CAMSAP1: variants seen among roughly 807,000 people sequenced by gnomAD.
CAMSAP1 encodes calmodulin regulated spectrin associated protein 1.
CAMSAP1 carries 58 observed loss-of-function variants against 143.5 expected under a neutral mutation model. The observed-to-expected ratio is 0.40, with a 90% CI of 0.33 to 0.50. The LOEUF (loss-of-function observed/expected upper bound fraction) is 0.50, where lower values mean the gene tolerates loss of function less well. Among genes scored for constraint, CAMSAP1 ranks in the 20% least tolerant of loss-of-function variants. CAMSAP1 has a pLI of 0.45. For synonymous variants in CAMSAP1, 945 were observed against 859.3 expected (o/e 1.10, Z -1.74); for missense variants, 1,969 against 2,115.7 (o/e 0.93, Z 1.36).
In CAMSAP1 at chr9:135,820,893, C is replaced by G. The variant is rs201570428; in HGVS notation, c.3768G>C (p.Ser1256=). 3 of 1,613,578 alleles carry G rather than the reference C, an allele frequency of 1.9e-6. No homozygotes were observed. Among genetic ancestry groups the G allele is most frequent in the Non-Finnish European group, 2.5e-6 (3 of 1,179,894 alleles). ...EDGELVSLDG[S]ADLVSEGDQK... ...GGTCGCCTTCGCTGACAAGGTCCGCCGAGCCATCGAGGCTTACCAGCTCCC... is the reference window on the plus strand; with the variant it reads ...GGTCGCCTTCGCTGACAAGGTCCGCGGAGCCATCGAGGCTTACCAGCTCCC... The change falls in exon 11 of 17, where the codon TCG becomes TCC. Residue 1256 remains serine, a synonymous_variant. Coordinates refer to ENST00000389532, the MANE Select transcript of CAMSAP1 (RefSeq NM_015447.4). The surrounding 1 kb of genome is among the most constrained non-coding windows in gnomAD (Gnocchi z 4.4).
chr9:135,874,307 CA>C (rs1837660825), intron 3 of CAMSAP1, among the ~76,000 whole-genome samples: 1 of 151,966 alleles, frequency 6.6e-6, no homozygotes, highest in Admixed American at 6.6e-5. Flanking sequence ...ATCCCCTCTA[CA>C]AAAATTTTTT....
intron 1 of CAMSAP1, among the ~76,000 whole-genome samples, chr9:135,895,146 G>A (rs554494746): frequency 2.0e-4 from 30 of 152,222 alleles, no homozygotes; most frequent in East Asian, 9.7e-4. Context: ...TTCTATCACC[G>A]GAGCCCAGAT....
At chr9:135,833,396 G>C (rs1835918182) in intron 7 of CAMSAP1, among the ~76,000 whole-genome samples, 1 of 152,094 alleles carries the variant, frequency 6.6e-6, no homozygotes, top group South Asian at 2.1e-4. Context: ...TCTTGAAAAA[G>C]AACAACAAAG....
chr9:135,819,679 A>T (rs576547740), intron 11 of CAMSAP1, among the ~76,000 whole-genome samples: 4 of 150,520 alleles, frequency 2.7e-5, no homozygotes, highest in Admixed American at 1.3e-4. Context: ...ACTTAAAAAA[A>T]AAAAAAAAAA....
At position 135,882,786 on chromosome 9, in the gene CAMSAP1, C is replaced by A; in HGVS notation, c.423+30G>T. On this transcript the variant is annotated intron_variant, in intron 2 of 16. Transcript: ENST00000389532. This position sits in a 1 kb window ranked among gnomAD's most constrained non-coding sequence, Gnocchi z 4.9. ...AGAGCCCACGGCTCCAGAGGATGGC[C>A]CCTGGGGGCGGCCACCGCAGACCAC... The A allele has an allele frequency of 6.5e-7, 1 of 1,538,344 alleles. No individual in the cohort carries two copies. The highest frequency in any genetic ancestry group is 8.8e-7 in the Non-Finnish European group (1 of 1,141,410).
chr9:135,878,056 T>C (rs1331340780), intron 3 of CAMSAP1, among the ~76,000 whole-genome samples: 1 of 152,104 alleles, frequency 6.6e-6, no homozygotes, highest in Non-Finnish European at 1.5e-5. Flanking sequence ...TTCCATCTAG[T>C]TACACAATCA....
rs1305513421 is a variant in CAMSAP1, at chr9:135,808,830, G to A, written c.*2479C>T. 1 of 152,230 alleles carries A rather than the reference G, an allele frequency of 6.6e-6. No individual in the cohort carries two copies. Among genetic ancestry groups the A allele is most frequent in the African/African-American group, 2.4e-5 (1 of 41,456 alleles). The allele number at this position is 152,230 out of a possible 1,614,324, so 9.4% of individuals were successfully genotyped here. A position where few individuals can be genotyped will look rare whatever the true frequency, so the allele number is the denominator to read the frequency against. On this transcript the variant is annotated 3_prime_UTR_variant, in exon 17 of 17. Transcript: ENST00000389532. The stretch of plus-strand genomic sequence containing the variant: ...CTCTTTCAACCCTTCTGGGCTCCCA[G>A]AATTCTAGCATTACCAAGGATTTAC...
chr9:135,818,864 T>G lies in CAMSAP1; in HGVS notation c.3959+146A>C. 3 of 1,336,184 alleles carry G rather than the reference T, an allele frequency of 2.2e-6. No individual in the cohort carries two copies. Among genetic ancestry groups the G allele is most frequent in the Non-Finnish European group, 3.0e-6 (3 of 990,348 alleles). 82.8% of individuals were successfully genotyped at this position (1,336,184 alleles called of 1,614,324 possible). The stretch of plus-strand genomic sequence containing the variant: ...TGAAGATCAGCAGGGGCCGTGAAAG[T>G]TCGGGGAGGTGGTCCATGGGAGGAG... On this transcript the variant is annotated intron_variant, in intron 12 of 16. Transcript: ENST00000389532. The surrounding 1 kb of genome is among the most constrained non-coding windows in gnomAD (Gnocchi z 7.7).
rs372301448 is a variant in CAMSAP1, at chr9:135,844,425, C to G, written c.1045+5712G>C. Among the ~76,000 whole-genome samples, 10 of 152,106 alleles carry G rather than the reference C, an allele frequency of 6.6e-5. No homozygotes were observed. In the East Asian group the frequency reaches 1.5e-3, roughly 23 times the overall value. ...AAATGGGAACAAAGAGGTAATGTACCAGAATCTCTGGGACACAGCTAAAGC... is the reference window on the plus strand; with the variant it reads ...AAATGGGAACAAAGAGGTAATGTACGAGAATCTCTGGGACACAGCTAAAGC... On this transcript the variant is annotated intron_variant, in intron 7 of 16. Coordinates refer to ENST00000389532, the MANE Select transcript of CAMSAP1 (RefSeq NM_015447.4).
chr9:135,884,108 A>T (rs1430271121), intron 1 of CAMSAP1, among the ~76,000 whole-genome samples: 1 of 152,108 alleles, frequency 6.6e-6, no homozygotes, highest in Non-Finnish European at 1.5e-5. Context: ...CCAGGTCTTT[A>T]ATGTGCCCCG....
Position 135,818,022 on chromosome 9 carries a change from G to T in CAMSAP1, c.4226C>A (p.Thr1409Lys). Residue 1409 changes from threonine (T) to lysine (K), a missense_variant, in exon 14 of 17, where the codon ACG becomes AAG. By Grantham distance (78) the Thr-to-Lys change is moderately conservative. This residue lies in a region of CAMSAP1 where 1,390 missense variants were observed against 1,420.8 expected (regional missense o/e 0.98). Coordinates refer to ENST00000389532, the MANE Select transcript of CAMSAP1 (RefSeq NM_015447.4). The surrounding 1 kb of genome is among the most constrained non-coding windows in gnomAD (Gnocchi z 7.7). The stretch of plus-strand genomic sequence containing the variant: ...GGAATGAACGCTCTCGGGTTCTGTC[G>T]TCGCCGCAGAGGCCAAGGACAGGCT... ...GSSLSLASAATTEPESVHSGG... is the reference protein window; with the variant it reads ...GSSLSLASAAKTEPESVHSGG... 6.2e-7 allele frequency: 1 copy of T among 1,613,898 alleles called. No individual in the cohort carries two copies. Among genetic ancestry groups the T allele is most frequent in the East Asian group, 2.2e-5 (1 of 44,868 alleles).
chr9:135,828,360 C>T lies in CAMSAP1; in HGVS notation c.1046-776G>A, dbSNP rs190215957. ...TGAACATGGAGGAGGGAAGTAAGGACGAGCGGGTGGCGGCTGCACTGAGCT... is the reference window on the plus strand; with the variant it reads ...TGAACATGGAGGAGGGAAGTAAGGATGAGCGGGTGGCGGCTGCACTGAGCT... On this transcript the variant is annotated intron_variant, in intron 7 of 16. Transcript: ENST00000389532. 3.6e-4 allele frequency among the ~76,000 whole-genome samples: 55 copies of T among 152,280 alleles called. 1 individual carries two copies. In the East Asian group the frequency reaches 9.1e-3, roughly 25 times the overall value.
Position 135,819,155 on chromosome 9 carries a change from C to G in CAMSAP1, c.3823-9G>C. 1.3e-6 allele frequency: 2 copies of G among 1,599,314 alleles called. No individual in the cohort carries two copies. Among genetic ancestry groups the G allele is most frequent in the African/African-American group, 2.7e-5 (2 of 74,668 alleles). ...TCCGCTTTCTGTTCATCCTGCAAGA[C>G]AGAGGCCACACAGAGCATGACAGGA... On this transcript the variant is annotated splice_polypyrimidine_tract_variant and intron_variant, in intron 11 of 16. Coordinates refer to ENST00000389532, the MANE Select transcript of CAMSAP1 (RefSeq NM_015447.4).
At chr9:135,815,642 G>A (rs1588438041) in intron 15 of CAMSAP1, among the ~76,000 whole-genome samples, 1 of 152,296 alleles carries the variant, frequency 6.6e-6, no homozygotes, top group South Asian at 2.1e-4. Context: ...CTGCCCCCAG[G>A]TCCGCTGCCC....
In CAMSAP1 at chr9:135,811,669, C is replaced by T. The variant is rs548425487; in HGVS notation, c.4507-58G>A. 42 of 1,505,688 alleles carry T rather than the reference C, an allele frequency of 2.8e-5. No homozygotes were observed. Among genetic ancestry groups the T allele is most frequent in the South Asian group, 8.8e-5 (7 of 79,358 alleles). 93.3% of individuals were successfully genotyped at this position (1,505,688 alleles called of 1,614,324 possible). ...CACTTCAGGGCCACTCCAATTGCCA[C>T]GAGTTGGGCTCCCACAGCGGCTCAA... On this transcript the variant is annotated intron_variant, in intron 16 of 16. Transcript: ENST00000389532. This position sits in a 1 kb window ranked among gnomAD's most constrained non-coding sequence, Gnocchi z 4.9.
Position 135,824,141 on chromosome 9 carries a change from C to G in CAMSAP1, c.1316-107G>C. 1 of 917,474 alleles carries G rather than the reference C, an allele frequency of 1.1e-6. No homozygotes were observed. Among genetic ancestry groups the G allele is most frequent in the Non-Finnish European group, 1.7e-6 (1 of 578,752 alleles). The allele number at this position is 917,474 out of a possible 1,614,324, so 56.8% of individuals were successfully genotyped here. ...AAAAATGCCTCTCAAGTCAGTACAC[C>G]AGAAGGGCCGCATGGAAAGCAGAGA... is the stretch of plus-strand genomic sequence containing the variant. On this transcript the variant is annotated intron_variant, in intron 9 of 16. Transcript: ENST00000389532. The surrounding 1 kb of genome is among the most constrained non-coding windows in gnomAD (Gnocchi z 4.1).
chr9:135,860,908 T>TC (rs1837164259), intron 5 of CAMSAP1, among the ~76,000 whole-genome samples: 1 of 152,236 alleles, frequency 6.6e-6, no homozygotes, highest in African/African-American at 2.4e-5. Context: ...CTGTGCTTTA[T>TC]CCCTGCCAGG....
intron 7 of CAMSAP1, among the ~76,000 whole-genome samples, chr9:135,843,985 T>TA (rs1293768872): frequency 2.0e-5 from 3 of 150,770 alleles, no homozygotes; most frequent in Non-Finnish European, 4.4e-5. Context: ...GAAAGAGACT[T>TA]ACACTGCCAC....
At chr9:135,848,993 C>T (rs979412439) in intron 7 of CAMSAP1, among the ~76,000 whole-genome samples, 4 of 152,376 alleles carry the variant, frequency 2.6e-5, no homozygotes. Flanking sequence ...CTGCCCCACA[C>T]CTGGGCCCGT....
Sources: allele counts gnomAD v4.1 joint callset (sites outside exome capture counted in the v4.1 genomes callset), GRCh38; gene constraint gnomAD v4.1.1; regional missense constraint gnomAD v4.1.1; non-coding constraint Gnocchi (gnomAD v3.1); transcripts MANE v1.5; gene names NCBI Gene and HGNC (gene_info 2026-07-23, HGNC 2026-07-21).